CNTN5: variants seen among roughly 807,000 people sequenced by gnomAD.
CNTN5 encodes the protein contactin 5.
In CNTN5, 77 loss-of-function variants were observed where a neutral mutation model predicts 129.1. The ratio of observed to expected loss-of-function variants is 0.60; its 90% CI spans 0.50 to 0.72. The LOEUF is 0.72. Among genes scored for constraint, CNTN5 ranks in the 30% least tolerant of loss-of-function variants. The pLI, the probability that CNTN5 is intolerant of heterozygous loss-of-function variation, is 0.00. For missense variants in CNTN5, 1,478 were observed against 1,328.8 expected (o/e 1.11, Z -1.75); for synonymous variants, 509 against 465.6 (o/e 1.09, Z -1.20).
At position 99,263,671 on chromosome 11, in the gene CNTN5, C is replaced by A. The variant is rs546959632; in HGVS notation, c.-209-61675C>A. On this transcript the variant is annotated intron_variant, in intron 1 of 24. Transcript: ENST00000524871. ...TTGCCCTGTCACCCAGATGGGAGGGCAGTGGTGTGATCATGGCTCACTGCA... is the reference window on the plus strand; with the variant it reads ...TTGCCCTGTCACCCAGATGGGAGGGAAGTGGTGTGATCATGGCTCACTGCA... Among the ~76,000 whole-genome samples the A allele has an allele frequency of 6.6e-5, 10 of 152,110 alleles. No individual in the cohort carries two copies. The South Asian group carries it at 2.1e-3, about 32-fold the overall frequency.
At chr11:100,031,096 C>T (rs778768894) in intron 9 of CNTN5, among the ~76,000 whole-genome samples, 1 of 152,176 alleles carries the variant, frequency 6.6e-6, no homozygotes, top group Non-Finnish European at 1.5e-5. Flanking sequence ...CTGCTAGCAT[C>T]AAATATTATG....
intron 1 of CNTN5, among the ~76,000 whole-genome samples, chr11:99,193,457 C>T (rs10892874): frequency 0.5 from 75,328 of 151,864 alleles, 18,722 homozygotes; most frequent in East Asian, 0.6. Context: ...AGCAGATAGG[C>T]ACAGTTGTCT....
intron 8 of CNTN5, among the ~76,000 whole-genome samples, chr11:99,981,230 C>T (rs776922815): frequency 5.3e-5 from 8 of 151,888 alleles, no homozygotes; most frequent in Non-Finnish European, 7.4e-5. Flanking sequence ...TAGTGTGGCT[C>T]GATCCAAGTC....
intron 6 of CNTN5, among the ~76,000 whole-genome samples, chr11:99,886,436 C>T (rs1948903351): frequency 6.6e-6 from 1 of 151,992 alleles, no homozygotes; most frequent in Non-Finnish European, 1.5e-5. Flanking sequence ...CATAAATATG[C>T]TCAAACCTAA....
At chr11:100,193,294 C>T (rs1046955836) in intron 14 of CNTN5, among the ~76,000 whole-genome samples, 194 bp from the exon 15 acceptor site, 11 of 151,812 alleles carry the variant, frequency 7.2e-5, no homozygotes, top group Non-Finnish European at 4.4e-5. Context: ...GCTCTTAAAT[C>T]ATTTCTCCCC....
At chr11:99,526,296 G>A (rs890434286) in intron 2 of CNTN5, among the ~76,000 whole-genome samples, 6 of 152,182 alleles carry the variant, frequency 3.9e-5, no homozygotes, top group Admixed American at 3.3e-4. Flanking sequence ...ATACACCTGC[G>A]TGTGGGGAAC....
At chr11:99,264,733 T>A (rs1862806683) in intron 1 of CNTN5, among the ~76,000 whole-genome samples, 1 of 152,140 alleles carries the variant, frequency 6.6e-6, no homozygotes, top group Admixed American at 6.6e-5. Context: ...GTTCATAAAC[T>A]TGATCATAAA....
intron 16 of CNTN5, among the ~76,000 whole-genome samples, chr11:100,253,486 G>A (rs1591439530): frequency 1.3e-5 from 2 of 152,168 alleles, no homozygotes; most frequent in East Asian, 3.9e-4. Flanking sequence ...CCACCTCCCA[G>A]TGACGAAGAA....
chr11:100,007,787 CTT>C (rs565795248), intron 9 of CNTN5, among the ~76,000 whole-genome samples: 13 of 148,750 alleles, frequency 8.7e-5, no homozygotes, highest in Admixed American at 2.0e-4. Flanking sequence ...CCTTCAAAAA[CTT>C]TTTTTTTTTC....
At chr11:99,457,958 G>C (rs1176865907) in intron 2 of CNTN5, among the ~76,000 whole-genome samples, 1 of 151,572 alleles carries the variant, frequency 6.6e-6, no homozygotes, top group Non-Finnish European at 1.5e-5. Context: ...CATTTTCATG[G>C]TTCTCAGTAA....
intron 21 of CNTN5, among the ~76,000 whole-genome samples, chr11:100,333,332 G>T (rs1675605122): frequency 7.5e-6 from 1 of 133,596 alleles, no homozygotes; most frequent in African/African-American, 2.8e-5. Context: ...TTGTCAAAAT[G>T]ACCATACTGC....
chr11:100,107,637 G>GTAGT (rs1429116309), intron 13 of CNTN5, among the ~76,000 whole-genome samples: 1 of 151,930 alleles, frequency 6.6e-6, no homozygotes, highest in Non-Finnish European at 1.5e-5. Flanking sequence ...ATTATATAGT[G>GTAGT]TAGTTGAGTG....
intron 1 of CNTN5, among the ~76,000 whole-genome samples, chr11:99,219,600 A>G (rs1378589125): frequency 6.6e-6 from 1 of 151,832 alleles, no homozygotes; most frequent in South Asian, 2.1e-4. Context: ...ATGGAGAGCC[A>G]CATACATCTT....
intron 13 of CNTN5, among the ~76,000 whole-genome samples, chr11:100,102,827 C>T (rs1945276011): frequency 6.6e-6 from 1 of 152,078 alleles, no homozygotes; most frequent in African/African-American, 2.4e-5. Flanking sequence ...GTATTACCAG[C>T]AATCTGAACA....
At chr11:99,736,086 C>T (rs1348701327) in intron 3 of CNTN5, among the ~76,000 whole-genome samples, 3 of 151,284 alleles carry the variant, frequency 2.0e-5, no homozygotes, top group Admixed American at 6.6e-5. Context: ...TATTTAAGTG[C>T]TGAAATTACG....
chr11:99,215,899 A>C (rs904253984), intron 1 of CNTN5, among the ~76,000 whole-genome samples: 1 of 152,114 alleles, frequency 6.6e-6, no homozygotes, highest in African/African-American at 2.4e-5. Flanking sequence ...ATTAATCGTC[A>C]GTGCATAATG....
chr11:99,664,407 G>T (rs956005904), intron 3 of CNTN5, among the ~76,000 whole-genome samples: 3 of 152,110 alleles, frequency 2.0e-5, no homozygotes, highest in Non-Finnish European at 4.4e-5. Context: ...CACCAGTAGA[G>T]TAGAGAGATC....
chr11:99,865,975 A>G (rs1948344921), intron 6 of CNTN5, among the ~76,000 whole-genome samples: 1 of 152,148 alleles, frequency 6.6e-6, no homozygotes, highest in African/African-American at 2.4e-5. Context: ...TTTTTAAAAA[A>G]TTCACTTGTT....
chr11:99,742,984 T>A (rs1352356002), intron 3 of CNTN5, among the ~76,000 whole-genome samples: 1 of 152,204 alleles, frequency 6.6e-6, no homozygotes, highest in Non-Finnish European at 1.5e-5. Flanking sequence ...TCTTAGCTTG[T>A]GTGGCTAAAC....
Sources: allele counts gnomAD v4.1 joint callset (sites outside exome capture counted in the v4.1 genomes callset), GRCh38; gene constraint gnomAD v4.1.1; transcripts MANE v1.5; gene names NCBI Gene and HGNC (gene_info 2026-07-23, HGNC 2026-07-21).